The following RPL38 variants were observed in gnomAD, a reference collection of about 807,000 sequenced individuals.
RPL38 encodes ribosomal protein L38, also known as large ribosomal subunit protein eL38.
RPL38 carries 2 observed loss-of-function variants against 12.8 expected under a neutral mutation model. The ratio of observed to expected loss-of-function variants is 0.16; its 90% CI spans 0.06 to 0.49. The LOEUF is 0.49. Among genes scored for constraint, RPL38 ranks in the 20% least tolerant of loss-of-function variants. The pLI is 0.96. For synonymous variants in RPL38, 42 were observed against 30.1 expected, an observed-to-expected ratio of 1.39 and a Z score of -1.29; for missense variants, 52 against 79.8, an observed-to-expected ratio of 0.65 and a Z score of 1.33.
At position 74,203,989 on chromosome 17, in the gene RPL38, G is replaced by A. The variant is rs1384863483; in HGVS notation, c.3+31G>A. 5.0e-6 allele frequency: 8 copies of A among 1,612,856 alleles called. No individual in the cohort carries two copies. In the African/African-American group the frequency reaches 5.3e-5, roughly 11 times the overall value. Reference sequence around the variant, plus strand: ...TACAGTCCCTGCCTGGCGCCTTCCCGGGGTGGGCTCGTGGGGCCCCGGGGC... The same window carrying A: ...TACAGTCCCTGCCTGGCGCCTTCCCAGGGTGGGCTCGTGGGGCCCCGGGGC... On this transcript the variant is annotated intron_variant, in intron 2 of 4. Coordinates refer to ENST00000311111, the MANE Select transcript of RPL38 (RefSeq NM_000999.4).
At chr17:74,204,091 C>T (rs961463562) in intron 2 of RPL38, 39 bp from the exon 3 acceptor site, 7 of 1,613,198 alleles carry the variant, frequency 4.3e-6, no homozygotes, top group African/African-American at 2.7e-5. Context: ...GGAGACGTGT[C>T]TCTTTCCTCT....
chr17:74,206,833 C>T (rs1200853196), intron 3 of RPL38, among the ~76,000 whole-genome samples: 1 of 151,272 alleles, frequency 6.6e-6, no homozygotes, highest in East Asian at 1.9e-4. Context: ...CTGCCTCAGC[C>T]TCCCAAGTAG....
rs2050159814 is a variant in RPL38 at position 74,210,647 on chromosome 17, C to T, written c.*818C>T. 1 of 152,266 alleles carries T rather than the reference C, an allele frequency of 6.6e-6. No homozygotes were observed. Among genetic ancestry groups the T allele is most frequent in the African/African-American group, 2.4e-5 (1 of 41,452 alleles). 9.4% of individuals were successfully genotyped at this position (152,266 alleles called of 1,614,324 possible). A position where few individuals can be genotyped will look rare whatever the true frequency, so the allele number is the denominator to read the frequency against. ...TGACTGGCATCATAAAATCTGTCTT[C>T]ATACCCGAGGTAGTGTTTTTTGTTT... On this transcript the variant is annotated 3_prime_UTR_variant, in exon 5 of 5. Coordinates refer to ENST00000311111, the MANE Select transcript of RPL38 (RefSeq NM_000999.4).
Position 74,204,147 on chromosome 17 carries a change from A to G in RPL38, c.21A>G (p.Glu7=). The G allele has an allele frequency of 6.2e-7, 1 of 1,614,148 alleles. No homozygotes were observed. The highest frequency in any genetic ancestry group is 8.5e-7 in the Non-Finnish European group (1 of 1,180,008). MPRKIE[E]IKDFLLTARR... Reference sequence around the variant, plus strand: ...TGTTGCAGCCTCGGAAAATTGAGGAAATCAAGGACTTCCTGCTCACAGCCC... The same window carrying G: ...TGTTGCAGCCTCGGAAAATTGAGGAGATCAAGGACTTCCTGCTCACAGCCC... Residue 7 remains glutamate (E), a synonymous_variant, in exon 3 of 5, where the codon GAA becomes GAG. Coordinates refer to ENST00000311111, the MANE Select transcript of RPL38 (RefSeq NM_000999.4).
chr17:74,204,360 G>A, intron 3 of RPL38, 170 bp downstream of exon 3: 1 of 616,810 alleles, frequency 1.6e-6, no homozygotes. Flanking sequence ...CCTGTGGGGG[G>A]CACGTTGAGG....
At position 74,209,513 on chromosome 17, in the gene RPL38, G is replaced by A. The variant is rs147375350; in HGVS notation, c.187+204G>A. 61 of 674,162 alleles carry A rather than the reference G, an allele frequency of 9.0e-5. No homozygotes were observed. In the African/African-American group the frequency reaches 9.2e-4, roughly 10 times the overall value. The allele number at this position is 674,162 out of a possible 1,614,324, so 41.8% of individuals were successfully genotyped here. A position where few individuals can be genotyped will look rare whatever the true frequency, so the allele number is the denominator to read the frequency against. On this transcript the variant is annotated intron_variant, in intron 4 of 4. Transcript: ENST00000311111. The stretch of plus-strand genomic sequence containing the variant: ...CCAGAAATCATTTCCTTAGCCAGAA[G>A]AGCGGTTAGAGCTCATTTAATCCTG...
intron 3 of RPL38, chr17:74,204,447 T>C: frequency 2.0e-6 from 1 of 508,852 alleles, no homozygotes; most frequent in South Asian, 2.3e-5. Flanking sequence ...TTCTTTCGTA[T>C]AATATAGTAA....
chr17:74,203,693 C>G lies in RPL38; in HGVS notation c.-91C>G, dbSNP rs966848121. The G allele has an allele frequency of 5.9e-6, 3 of 505,244 alleles. No homozygotes were observed. Among genetic ancestry groups the G allele is most frequent in the Non-Finnish European group, 1.0e-5 (3 of 286,120 alleles). The allele number at this position is 505,244 out of a possible 1,614,324, so 31.3% of individuals were successfully genotyped here. On this transcript the variant is annotated 5_prime_UTR_variant, in exon 1 of 5. Transcript: ENST00000311111. The stretch of plus-strand genomic sequence containing the variant: ...AAGTCTCGTTCTTTTTCGTCCTTTT[C>G]CCCGGTTGCTGCTTGCTGTGAGTGT...
intron 3 of RPL38, chr17:74,204,733 G>C (rs893651328): frequency 6.6e-6 from 1 of 152,522 alleles, no homozygotes; most frequent in Non-Finnish European, 1.5e-5. Flanking sequence ...AGACAGTCTG[G>C]CTCTGTCGCC....
At chr17:74,205,639 C>T (rs2050106241) in intron 3 of RPL38, 1 of 152,178 alleles carries the variant, frequency 6.6e-6, no homozygotes, top group African/African-American at 2.4e-5. Flanking sequence ...CATATGGGGT[C>T]ACTGCCTAGT....
chr17:74,204,240 C>T, intron 3 of RPL38, 50 bp downstream of exon 3: 2 of 1,550,556 alleles, frequency 1.3e-6, no homozygotes, highest in South Asian at 1.1e-5. Flanking sequence ...AGCCTGGCAC[C>T]GCTCCGGGAG....
At position 74,209,890 on chromosome 17, in the gene RPL38, GT is replaced by G; in HGVS notation, c.*62del. 6.9e-7 allele frequency: 1 copy of G among 1,452,316 alleles called. No homozygotes were observed. The highest frequency in any genetic ancestry group is 1.4e-5 in the African/African-American group (1 of 71,380). 90.0% of individuals were successfully genotyped at this position (1,452,316 alleles called of 1,614,324 possible). A position where few individuals can be genotyped will look rare whatever the true frequency, so the allele number is the denominator to read the frequency against. The stretch of plus-strand genomic sequence containing the variant: ...ATACTAAAAATCCTAAGTGTCTTTC[GT>G]CTTTGCGGATGGGAAAGGGAAAAAT... On this transcript the variant is annotated 3_prime_UTR_variant, in exon 5 of 5. Coordinates refer to ENST00000311111, the MANE Select transcript of RPL38 (RefSeq NM_000999.4).
chr17:74,204,644 GTGGTCGCTGGCCAGTGTCAGAAGGTATCA>G (rs1460238482), intron 3 of RPL38: 5 of 166,514 alleles, frequency 3.0e-5, no homozygotes, highest in African/African-American at 1.2e-4. Flanking sequence ...TCGTGATCCT[GTGGTCGCTGGCCAGTGTCAGAAGGTATCA>G]TACCTATCTA....
At chr17:74,206,726 T>TTTTTTTTC (rs2050118187) in intron 3 of RPL38, among the ~76,000 whole-genome samples, 1 of 145,240 alleles carries the variant, frequency 6.9e-6, no homozygotes, top group African/African-American at 2.6e-5. Context: ...TTTTTTTTTT[T>TTTTTTTTC]TTTTGACATG....
chr17:74,204,033 C>T (rs751600819), intron 2 of RPL38, 75 bp downstream of exon 2: 16 of 1,609,500 alleles, frequency 9.9e-6, no homozygotes, highest in Admixed American at 5.0e-5. Flanking sequence ...GAGAGCCTCC[C>T]AAGGATCTCC....
intron 4 of RPL38, 128 bp from the exon 5 acceptor site, chr17:74,209,676 G>A (rs1017353112): frequency 2.7e-5 from 22 of 816,382 alleles, no homozygotes; most frequent in Non-Finnish European, 4.3e-5. Context: ...TATTTTAACC[G>A]AAACTTCGCT....
At chr17:74,204,247 G>A (rs768758977) in intron 3 of RPL38, 57 bp downstream of exon 3, 1 of 1,512,610 alleles carries the variant, frequency 6.6e-7, no homozygotes, top group Non-Finnish European at 9.2e-7. Flanking sequence ...CACCGCTCCG[G>A]GAGCGTCTTC....
At chr17:74,205,982 TGCACTCCAGCCTGGGTGACAGAGCG>T (rs2050109898) in intron 3 of RPL38, 1 of 152,066 alleles carries the variant, frequency 6.6e-6, no homozygotes, top group South Asian at 2.1e-4. Flanking sequence ...ATTGTCTCAC[TGCACTCCAGCCTGGGTGACAGAGCG>T]AGACTGTCTC....
rs1371703320 is a variant in RPL38, at chr17:74,204,117, C to CT, written c.4-10dup. 3 of 1,614,148 alleles carry CT rather than the reference C, an allele frequency of 1.9e-6. No individual in the cohort carries two copies. The highest frequency in any genetic ancestry group is 2.5e-6 in the Non-Finnish European group (3 of 1,180,008). On this transcript the variant is annotated splice_polypyrimidine_tract_variant and intron_variant, in intron 2 of 4. Coordinates refer to ENST00000311111, the MANE Select transcript of RPL38 (RefSeq NM_000999.4). ...TCTTTCCTCTCTGTTCACCCGCTTC[C>CT]TTTGTGTTGCAGCCTCGGAAAATTG...
Sources: allele counts gnomAD v4.1 joint callset (sites outside exome capture counted in the v4.1 genomes callset), GRCh38; gene constraint gnomAD v4.1.1; transcripts MANE v1.5; gene names NCBI Gene and HGNC (gene_info 2026-07-23, HGNC 2026-07-21).